Variants in FOSL1 observed in about 807,000 individuals in gnomAD.
FOSL1 encodes FOS like 1, AP-1 transcription factor subunit, also known as fos-related antigen 1.
FOSL1 carries 14 observed loss-of-function variants against 24.9 expected under a neutral mutation model. The observed-to-expected ratio is 0.56, with a 90% confidence interval of 0.37 to 0.88. The LOEUF (loss-of-function observed/expected upper bound fraction) is 0.88. Ranked by LOEUF, FOSL1 falls within the 40% of genes least tolerant of loss-of-function variation. The pLI, the probability that FOSL1 is intolerant of heterozygous loss-of-function variation, is 0.00. For synonymous variants in FOSL1, 133 were observed against 145.1 expected, an observed-to-expected ratio of 0.92 and a Z score of 0.60; for missense variants, 318 against 359.8, an observed-to-expected ratio of 0.88 and a Z score of 0.94.
chr11:65,899,065 A>G (rs1165123356), intron 1 of FOSL1, among the ~76,000 whole-genome samples: 1 of 151,916 alleles, frequency 6.6e-6, no homozygotes, highest in Non-Finnish European at 1.5e-5. Context: ...TCCGTGAAAT[A>G]TGGTAAATGA....
Position 65,897,587 on chromosome 11 carries a change from G to A in FOSL1, c.100-581C>T, listed in dbSNP as rs572617473. On this transcript the variant is annotated intron_variant, in intron 1 of 3. Transcript: ENST00000312562. ...GCTCCCAACCTCAGGTGATCCACCC[G>A]CCTCGGCCTCCCAAAGTGCTGGGAT... 7.9e-5 allele frequency among the ~76,000 whole-genome samples: 12 copies of A among 152,166 alleles called. 1 individual carries two copies. In the South Asian group the frequency reaches 1.9e-3, roughly 24 times the overall value.
chr11:65,892,939 T>A lies in FOSL1; in HGVS notation c.763A>T (p.Ser255Cys). Residue 255 changes from serine (S) to cysteine (C), a missense_variant, in exon 4 of 4, where the codon AGC (serine) becomes TGC (cysteine). Physicochemically the swap from Ser to Cys is moderately radical, Grantham distance 112. Transcript: ENST00000312562. ...AGGGGGTCAGAGGATGGGTCTCCGC[T>A]GCTGCTGCTACTCTTGCGATGAGCT... ...ASAHRKSSSS[S>C]GDPSSDPLGS... The A allele has an allele frequency of 1.2e-6, 2 of 1,612,406 alleles. No homozygotes were observed. Among genetic ancestry groups the A allele is most frequent in the Non-Finnish European group, 1.7e-6 (2 of 1,179,976 alleles).
At position 65,892,537 on chromosome 11, in the gene FOSL1, G is replaced by T. The variant is rs528947957; in HGVS notation, c.*349C>A. On this transcript the variant is annotated 3_prime_UTR_variant, in exon 4 of 4. Coordinates refer to ENST00000312562, the MANE Select transcript of FOSL1 (RefSeq NM_005438.5). ...GGGTTGGGTGGATCACAGGAAGAGG[G>T]TGATGGAGAGTGTGGCAGTGATCTG... 5 of 513,546 alleles carry T rather than the reference G, an allele frequency of 9.7e-6. No individual in the cohort carries two copies. Among genetic ancestry groups the T allele is most frequent in the Non-Finnish European group, 1.9e-5 (5 of 264,924 alleles). The allele number at this position is 513,546 out of a possible 1,614,324, so 31.8% of individuals were successfully genotyped here.
chr11:65,900,108 C>T, intron 1 of FOSL1, 133 bp downstream of exon 1: 3 of 435,262 alleles, frequency 6.9e-6, no homozygotes, highest in East Asian at 7.3e-5. Flanking sequence ...CGGCGAGGGG[C>T]AGGATCCTCG....
intron 1 of FOSL1, among the ~76,000 whole-genome samples, chr11:65,899,454 G>A (rs1280577588): frequency 6.6e-6 from 1 of 152,196 alleles, no homozygotes; most frequent in African/African-American, 2.4e-5. Flanking sequence ...CTCCCCTGTC[G>A]ACACGTGCTC....
Position 65,893,147 on chromosome 11 carries a change from A to G in FOSL1, c.555T>C (p.Ser185=), listed in dbSNP as rs755750490. 1 of 1,613,212 alleles carries G rather than the reference A, an allele frequency of 6.2e-7. No individual in the cohort carries two copies. The highest frequency in any genetic ancestry group is 1.3e-5 in the African/African-American group (1 of 74,866). Residue 185 remains serine, a synonymous_variant, in exon 4 of 4, where the codon AGT becomes AGC. Coordinates refer to ENST00000312562, the MANE Select transcript of FOSL1 (RefSeq NM_005438.5). ...PEGAKEGDTG[S]TSGTSSPPAP... Reference sequence around the variant, plus strand: ...CTGGTGGGCTGCTGGTGCCACTGGTACTGCCTGTGTCCCCCTCCTTGGCTC... The same window carrying G: ...CTGGTGGGCTGCTGGTGCCACTGGTGCTGCCTGTGTCCCCCTCCTTGGCTC...
intron 2 of FOSL1, among the ~76,000 whole-genome samples, chr11:65,894,927 G>C (rs1048514819): frequency 6.6e-6 from 1 of 151,578 alleles, no homozygotes; most frequent in Non-Finnish European, 1.5e-5. Flanking sequence ...AAAGTGCTGG[G>C]ATTACAGGCA....
Position 65,896,887 on chromosome 11 carries a change from G to C in FOSL1, c.219C>G (p.Tyr73Ter). The C allele has an allele frequency of 6.2e-7, 1 of 1,614,002 alleles. No homozygotes were observed. Among genetic ancestry groups the C allele is most frequent in the Non-Finnish European group, 8.5e-7 (1 of 1,179,856 alleles). Residue 73 changes from tyrosine (Y) to a stop codon, truncating the protein, a stop_gained, in exon 2 of 4, where the codon TAC becomes TAG. Transcript: ENST00000312562. LOFTEE classifies it high-confidence loss of function. ...SYPRPLTYPQ[Y>*]SPPQPRPGVI... The stretch of plus-strand genomic sequence containing the variant: ...CTCCTGGCCGGGGTTGTGGGGGGCT[G>C]TACTGAGGGTAGGTCAGAGGCCTGG...
chr11:65,893,621 T>C (rs1860451354), intron 3 of FOSL1, among the ~76,000 whole-genome samples: 2 of 152,020 alleles, frequency 1.3e-5, no homozygotes, highest in South Asian at 4.1e-4. Flanking sequence ...CGAAACCCCG[T>C]CTCTACTAAA....
rs1301277945 is a variant in FOSL1, at chr11:65,894,111, T to TCCG, written c.305_307dup (p.Pro102_Glu103insAla). ...CCTTACTCGGCGGCGCTCCTCTTCCTCCGGGCTGATCTGGGGGTGAGACCC... is the reference window on the plus strand; with the variant it reads ...CCTTACTCGGCGGCGCTCCTCTTCCTCCGCCGGGCTGATCTGGGGGTGAGACCC... On this transcript the variant is annotated inframe_insertion, in exon 3 of 4. Coordinates refer to ENST00000312562, the MANE Select transcript of FOSL1 (RefSeq NM_005438.5). 1 of 1,604,144 alleles carries TCCG rather than the reference T, an allele frequency of 6.2e-7. No homozygotes were observed. Among genetic ancestry groups the TCCG allele is most frequent in the South Asian group, 1.1e-5 (1 of 89,858 alleles).
At chr11:65,899,648 G>C (rs1409974769) in intron 1 of FOSL1, among the ~76,000 whole-genome samples, 1 of 152,256 alleles carries the variant, frequency 6.6e-6, no homozygotes, top group Non-Finnish European at 1.5e-5. Flanking sequence ...CGGTCTCCGG[G>C]GACCTGGCAG....
intron 1 of FOSL1, 56 bp from the exon 2 acceptor site, chr11:65,897,062 C>T: frequency 2.2e-6 from 3 of 1,338,130 alleles, no homozygotes; most frequent in Non-Finnish European, 3.2e-6. Flanking sequence ...TGAGGGGCTT[C>T]CACTGGGCAG....
At position 65,896,884 on chromosome 11, in the gene FOSL1, G is replaced by T; in HGVS notation, c.222C>A (p.Ser74Arg). 6.2e-7 allele frequency: 1 copy of T among 1,613,976 alleles called. No individual in the cohort carries two copies. The highest frequency in any genetic ancestry group is 1.3e-5 in the African/African-American group (1 of 75,032). ...TGACTCCTGGCCGGGGTTGTGGGGG[G>T]CTGTACTGAGGGTAGGTCAGAGGCC... ...YPRPLTYPQY[S>R]PPQPRPGVIR... is the part of the protein sequence containing the mutation. Residue 74 changes from serine (S) to arginine (R), a missense_variant, in exon 2 of 4, where the codon AGC becomes AGA. Ser to Arg is a moderately radical substitution (Grantham distance 110). Coordinates refer to ENST00000312562, the MANE Select transcript of FOSL1 (RefSeq NM_005438.5).
rs543925907 is a variant in FOSL1 at position 65,892,354 on chromosome 11, G to C, written c.*532C>G. ...TGAAGGCTTCTCAAAGCTGAGATCC[G>C]CAGATCAGCTCATCACAGAAGCCAA... On this transcript the variant is annotated 3_prime_UTR_variant, in exon 4 of 4. Coordinates refer to ENST00000312562, the MANE Select transcript of FOSL1 (RefSeq NM_005438.5). The C allele has an allele frequency of 8.0e-5, 23 of 287,468 alleles. No homozygotes were observed. The highest frequency in any genetic ancestry group is 4.9e-4 in the African/African-American group (22 of 44,842). 17.8% of individuals were successfully genotyped at this position (287,468 alleles called of 1,614,324 possible).
intron 2 of FOSL1, 86 bp downstream of exon 2, chr11:65,896,723 C>T: frequency 2.6e-6 from 3 of 1,169,534 alleles, no homozygotes; most frequent in Non-Finnish European, 3.7e-6. Context: ...CCTCCTAAGC[C>T]TGTGCTCTCC....
chr11:65,896,763 C>T (rs774942711), intron 2 of FOSL1, 46 bp downstream of exon 2: 1 of 1,475,848 alleles, frequency 6.8e-7, no homozygotes. Context: ...TGCACCCTAG[C>T]ACTCCTGGGC....
At chr11:65,899,881 C>T (rs1860628448) in intron 1 of FOSL1, among the ~76,000 whole-genome samples, 1 of 152,226 alleles carries the variant, frequency 6.6e-6, no homozygotes, top group Non-Finnish European at 1.5e-5. Flanking sequence ...CAGCCCGAAG[C>T]GGAGAGACCC....
rs376301362 is a variant in FOSL1 at position 65,893,816 on chromosome 11, C to T, written c.405+198G>A. 1.1e-4 allele frequency among the ~76,000 whole-genome samples: 16 copies of T among 152,158 alleles called. No homozygotes were observed. In the East Asian group the frequency reaches 2.9e-3, roughly 28 times the overall value. On this transcript the variant is annotated intron_variant, in intron 3 of 3. Coordinates refer to ENST00000312562, the MANE Select transcript of FOSL1 (RefSeq NM_005438.5). ...CTGTCTCAAAAAAAAAAGGAGATTGCTGGCTGAGCTTCAGCTCTGCTGTGA... is the reference window on the plus strand; with the variant it reads ...CTGTCTCAAAAAAAAAAGGAGATTGTTGGCTGAGCTTCAGCTCTGCTGTGA...
At position 65,897,021 on chromosome 11, in the gene FOSL1, A is replaced by G; in HGVS notation, c.100-15T>C. ...AGGTGGAACTTCTAAGGAATAAGAAATGGAAGGCCACAGATGAGGTCCGTG... is the reference window on the plus strand; with the variant it reads ...AGGTGGAACTTCTAAGGAATAAGAAGTGGAAGGCCACAGATGAGGTCCGTG... On this transcript the variant is annotated splice_polypyrimidine_tract_variant and intron_variant, in intron 1 of 3. Coordinates refer to ENST00000312562, the MANE Select transcript of FOSL1 (RefSeq NM_005438.5). 1 of 1,606,760 alleles carries G rather than the reference A, an allele frequency of 6.2e-7. No homozygotes were observed. Among genetic ancestry groups the G allele is most frequent in the South Asian group, 1.1e-5 (1 of 90,912 alleles).
Sources: allele counts gnomAD v4.1 joint callset (sites outside exome capture counted in the v4.1 genomes callset), GRCh38; gene constraint gnomAD v4.1.1; transcripts MANE v1.5; gene names NCBI Gene and HGNC (gene_info 2026-07-23, HGNC 2026-07-21).